HGD: variants seen among roughly 807,000 people sequenced by gnomAD.
The protein encoded by HGD is homogentisate oxidase.
HGD carries 61 observed loss-of-function variants against 60.8 expected under a neutral mutation model. The ratio of observed to expected loss-of-function variants is 1.00; its 90% CI spans 0.82 to 1.24. The LOEUF (loss-of-function observed/expected upper bound fraction) is 1.24. HGD is among the 50% of genes most tolerant of loss of function. HGD has a pLI of 0.00. For synonymous variants in HGD, 212 were observed against 187.7 expected (o/e 1.13, Z -1.06); for missense variants, 542 against 547.1 (o/e 0.99, Z 0.09).
intron 3 of HGD, among the ~76,000 whole-genome samples, chr3:120,674,357 T>C (rs1352695511): frequency 6.6e-6 from 1 of 152,182 alleles, no homozygotes; most frequent in Admixed American, 6.5e-5. Flanking sequence ...AGTATGTAAA[T>C]GAATATGCTG....
intron 5 of HGD, 75 bp from the exon 6 acceptor site, chr3:120,650,940 A>G (rs1941324118): frequency 9.3e-7 from 1 of 1,071,968 alleles, no homozygotes; most frequent in Non-Finnish European, 1.5e-6. Flanking sequence ...CTGGTCCCTG[A>G]GGGTCATGAG....
intron 9 of HGD, among the ~76,000 whole-genome samples, chr3:120,644,865 G>A (rs1291926722): frequency 1.3e-5 from 2 of 151,702 alleles, no homozygotes; most frequent in South Asian, 2.1e-4. Flanking sequence ...AGGGTTACAC[G>A]CTGTTGCCTA....
At chr3:120,678,387 T>C (rs1213610171) in intron 1 of HGD, among the ~76,000 whole-genome samples, 1 of 152,238 alleles carries the variant, frequency 6.6e-6, no homozygotes, top group Admixed American at 6.5e-5. Context: ...TTTGTTCAAC[T>C]GCCGCATTGT....
intron 5 of HGD, 123 bp downstream of exon 5, chr3:120,652,469 G>T: frequency 1.4e-6 from 1 of 732,842 alleles, no homozygotes. Flanking sequence ...ATACGCAGGT[G>T]GTTTTGTCTC....
intron 12 of HGD, among the ~76,000 whole-genome samples, chr3:120,637,649 T>C (rs902537212): frequency 8.5e-5 from 13 of 152,122 alleles, no homozygotes; most frequent in African/African-American, 3.1e-4. Context: ...TTCTTATTTC[T>C]CTGGTTCTCT....
At chr3:120,650,209 T>C (rs1297607079) in intron 6 of HGD, among the ~76,000 whole-genome samples, 2 of 152,258 alleles carry the variant, frequency 1.3e-5, no homozygotes, top group African/African-American at 4.8e-5. Context: ...TTTCTCTGTT[T>C]TCTTTTCTGC....
chr3:120,636,154 C>T (rs1328698083), intron 12 of HGD, among the ~76,000 whole-genome samples: 2 of 150,218 alleles, frequency 1.3e-5, no homozygotes, highest in East Asian at 1.9e-4. Context: ...GTGGTGCACA[C>T]CTGTGGTCCA....
intron 3 of HGD, among the ~76,000 whole-genome samples, chr3:120,673,044 C>T (rs1259054392): frequency 1.3e-5 from 2 of 152,074 alleles, no homozygotes; most frequent in Non-Finnish European, 2.9e-5. Context: ...TGAGTAGTAA[C>T]TAAGAATTTC....
chr3:120,647,114 C>T, intron 7 of HGD, 62 bp from the exon 8 acceptor site: 1 of 1,285,416 alleles, frequency 7.8e-7, no homozygotes, highest in Non-Finnish European at 1.1e-6. Context: ...ATTTCATGAA[C>T]AGGAAAGGCT....
intron 1 of HGD, among the ~76,000 whole-genome samples, chr3:120,678,818 T>C (rs1238516840): frequency 3.3e-5 from 5 of 152,214 alleles, no homozygotes; most frequent in Non-Finnish European, 7.3e-5. Flanking sequence ...GCCAAAGGCA[T>C]CTGAATTAAG....
At chr3:120,660,436 G>A (rs1941626897) in intron 4 of HGD, among the ~76,000 whole-genome samples, 1 of 152,208 alleles carries the variant, frequency 6.6e-6, no homozygotes, top group African/African-American at 2.4e-5. Flanking sequence ...ATTATGTGGA[G>A]AGAAATCAGG....
chr3:120,682,124 CTA>C lies in HGD; in HGVS notation c.-15_-14del, dbSNP rs1708240733. On this transcript the variant is annotated 5_prime_UTR_variant, in exon 1 of 14. Coordinates refer to ENST00000283871, the MANE Select transcript of HGD (RefSeq NM_000187.4). Reference sequence around the variant, plus strand: ...TTAACTCAGCCATTTTCTCTCTCCTCTATGTGTGGTGACTTCAGGAAACCCAG... The same window carrying C: ...TTAACTCAGCCATTTTCTCTCTCCTCTGTGTGGTGACTTCAGGAAACCCAG... The C allele has an allele frequency of 6.2e-7, 1 of 1,613,870 alleles. No homozygotes were observed. Among genetic ancestry groups the C allele is most frequent in the Middle Eastern group, 1.7e-4 (1 of 6,060 alleles).
rs138776603 is a variant in HGD at position 120,659,743 on chromosome 3, G to A, written c.283-7092C>T. On this transcript the variant is annotated intron_variant, in intron 4 of 13. Coordinates refer to ENST00000283871, the MANE Select transcript of HGD (RefSeq NM_000187.4). ...TGGTACCAATTTTCTTTGTTAGTTC[G>A]TTCTTGCACTGCTATAAACAAAGAC... Among the ~76,000 whole-genome samples, 958 of 152,042 alleles carry A rather than the reference G, an allele frequency of 6.3e-3. 12 individuals carry two copies. Among genetic ancestry groups the A allele is most frequent in the African/African-American group, 0.021 (860 of 41,474 alleles).
At chr3:120,643,167 G>A (rs140512565) in intron 10 of HGD, among the ~76,000 whole-genome samples, 12,763 of 152,120 alleles carry the variant, frequency 0.084, 731 homozygotes, top group Middle Eastern at 0.16. Context: ...TCTGTCGCCC[G>A]GGCTGGAGTG....
intron 12 of HGD, among the ~76,000 whole-genome samples, chr3:120,634,881 C>T (rs1050420404): frequency 6.6e-6 from 1 of 152,118 alleles, no homozygotes; most frequent in Admixed American, 6.5e-5. Flanking sequence ...GAGGTGAGAC[C>T]CAGATCATAG....
intron 3 of HGD, among the ~76,000 whole-genome samples, chr3:120,672,101 A>G (rs1708037033): frequency 6.6e-6 from 1 of 152,208 alleles, no homozygotes; most frequent in African/African-American, 2.4e-5. Flanking sequence ...ACATTTACCT[A>G]TGTAACAAAC....
chr3:120,664,208 A>G (rs1707845329), intron 4 of HGD, among the ~76,000 whole-genome samples: 1 of 152,130 alleles, frequency 6.6e-6, no homozygotes, highest in African/African-American at 2.4e-5. Context: ...ATCAATGGTG[A>G]CAAGGCATGA....
At chr3:120,666,129 G>A (rs1707894240) in intron 4 of HGD, among the ~76,000 whole-genome samples, 3 of 152,280 alleles carry the variant, frequency 2.0e-5, no homozygotes, top group Admixed American at 1.3e-4. Context: ...TAGTTGGCAG[G>A]TGACAGAGGT....
intron 6 of HGD, among the ~76,000 whole-genome samples, chr3:120,649,139 CTTTTTTT>C (rs10572267): frequency 7.4e-5 from 7 of 94,424 alleles, no homozygotes; most frequent in African/African-American, 2.2e-4. Flanking sequence ...TCTTCTTTTT[CTTTTTTT>C]TTTTTTTTTT....
Sources: allele counts gnomAD v4.1 joint callset (sites outside exome capture counted in the v4.1 genomes callset), GRCh38; gene constraint gnomAD v4.1.1; transcripts MANE v1.5; gene names NCBI Gene and HGNC (gene_info 2026-07-23, HGNC 2026-07-21).